The following SEPTIN9 variants were observed in gnomAD, a reference collection of about 807,000 sequenced individuals.
SEPTIN9 encodes the protein septin 9.
SEPTIN9 carries 13 observed loss-of-function variants against 56.6 expected under a neutral mutation model. The ratio of observed to expected loss-of-function variants is 0.23; its 90% CI spans 0.15 to 0.37. SEPTIN9 has a LOEUF of 0.37. Among genes scored for constraint, SEPTIN9 ranks in the 10% least tolerant of loss-of-function variants. The probability of loss-of-function intolerance (pLI) is 1.00; values close to 1 mark genes in which losing one functional copy is unlikely to be tolerated. For synonymous variants in SEPTIN9, 332 were observed against 334.1 expected (o/e 0.99, Z 0.07); for missense variants, 650 against 823.1 (o/e 0.79, Z 2.57).
chr17:77,341,146 C>G (rs1305866101), intron 2 of SEPTIN9, among the ~76,000 whole-genome samples: 1 of 152,196 alleles, frequency 6.6e-6, no homozygotes, highest in Non-Finnish European at 1.5e-5. Flanking sequence ...CACAACTTGG[C>G]TAGCTATTTG....
intron 2 of SEPTIN9, among the ~76,000 whole-genome samples, chr17:77,320,922 C>G (rs1230924279): frequency 2.6e-5 from 4 of 152,244 alleles, no homozygotes; most frequent in Non-Finnish European, 4.4e-5. Context: ...TTCACGCTGG[C>G]AGCCCCCTTG....
chr17:77,397,657 G>C (rs892830309), intron 2 of SEPTIN9, among the ~76,000 whole-genome samples: 1 of 152,078 alleles, frequency 6.6e-6, no homozygotes, highest in Non-Finnish European at 1.5e-5. Flanking sequence ...CTGTGATCCA[G>C]CCTTTTTTTT....
intron 2 of SEPTIN9, among the ~76,000 whole-genome samples, chr17:77,361,854 G>T (rs184661997): frequency 6.6e-6 from 1 of 151,518 alleles, no homozygotes; most frequent in Admixed American, 6.6e-5. Context: ...GGATGGTCTC[G>T]ATCTCTTGAC....
At chr17:77,428,261 G>A (rs1018012577) in intron 3 of SEPTIN9, among the ~76,000 whole-genome samples, 2 of 152,348 alleles carry the variant, frequency 1.3e-5, no homozygotes, top group Admixed American at 6.5e-5. Flanking sequence ...GCTCGGGGAC[G>A]GTGGCCTGGC....
In SEPTIN9 at chr17:77,404,976, C is replaced by A. The variant is rs376398437; in HGVS notation, c.721+2273C>A. The A allele has an allele frequency of 1.7e-4, 177 of 1,049,426 alleles. 1 individual carries two copies. The highest frequency in any genetic ancestry group is 1.5e-3 in the East Asian group (55 of 37,692). The allele number at this position is 1,049,426 out of a possible 1,614,324, so 65.0% of individuals were successfully genotyped here. ...TCCCCTGCCTTCTGTTGGTGCAGGACCTTTGTTTGACGTGCCGGATACACC... is the reference window on the plus strand; with the variant it reads ...TCCCCTGCCTTCTGTTGGTGCAGGAACTTTGTTTGACGTGCCGGATACACC... On this transcript the variant is annotated intron_variant, in intron 3 of 11. Transcript: ENST00000427177.
chr17:77,292,858 G>A (rs4239000), intron 1 of SEPTIN9, among the ~76,000 whole-genome samples: 76,792 of 151,812 alleles, frequency 0.51, 21,742 homozygotes, highest in East Asian at 0.78. Flanking sequence ...CACTGGTCTC[G>A]CTCCACGTGA....
rs187393717 is a variant in SEPTIN9 at position 77,417,468 on chromosome 17, G to T, written c.721+14765G>T. Among the ~76,000 whole-genome samples the T allele has an allele frequency of 2.5e-3, 383 of 152,296 alleles. 13 individuals carry two copies. In the South Asian group the frequency reaches 0.053, roughly 21 times the overall value. On this transcript the variant is annotated intron_variant, in intron 3 of 11. Transcript: ENST00000427177. The stretch of plus-strand genomic sequence containing the variant: ...AATGTTTCCTGCATCCAAGATCCTT[G>T]TGACTCTGGAACAGAGGCAGCAGAG...
Position 77,307,208 on chromosome 17 carries a change from C to T in SEPTIN9, c.76+11C>T, listed in dbSNP as rs777501526. On this transcript the variant is annotated intron_variant, in intron 2 of 11. Transcript: ENST00000427177. Reference sequence around the variant, plus strand: ...ACTCCAGTGGCCCAGGTAGGTGGCTCGCTCCGCTCTGGCCCCACCCAGCTC... The same window carrying T: ...ACTCCAGTGGCCCAGGTAGGTGGCTTGCTCCGCTCTGGCCCCACCCAGCTC... The T allele has an allele frequency of 3.5e-5, 56 of 1,612,644 alleles. No individual in the cohort carries two copies. Among genetic ancestry groups the T allele is most frequent in the Middle Eastern group, 1.6e-4 (1 of 6,084 alleles).
chr17:77,451,073 G>A lies in SEPTIN9; in HGVS notation c.722-31071G>A, dbSNP rs1166397694. 1.9e-5 allele frequency: 3 copies of A among 154,572 alleles called. No homozygotes were observed. Among genetic ancestry groups the A allele is most frequent in the Non-Finnish European group, 2.8e-5 (2 of 70,506 alleles). 9.6% of individuals were successfully genotyped at this position (154,572 alleles called of 1,614,324 possible). ...TTTCAGGACCTGGCTGAGAGGAGGGGGCTCCTCACGGGCACCGCCTCTGGC... is the reference window on the plus strand; with the variant it reads ...TTTCAGGACCTGGCTGAGAGGAGGGAGCTCCTCACGGGCACCGCCTCTGGC... On this transcript the variant is annotated intron_variant, in intron 3 of 11. Coordinates refer to ENST00000427177, the MANE Select transcript of SEPTIN9 (RefSeq NM_001113491.2). The surrounding 1 kb of genome is among the most constrained non-coding windows in gnomAD (Gnocchi z 4.2).
chr17:77,430,433 G>A lies in SEPTIN9; in HGVS notation c.721+27730G>A, dbSNP rs536958781. ...TAGGCCGTGGATAGAGCAGAGCCAT[G>A]TTGACACAAACCCTGGCTGAACCCA... On this transcript the variant is annotated intron_variant, in intron 3 of 11. Transcript: ENST00000427177. 4.6e-5 allele frequency among the ~76,000 whole-genome samples: 7 copies of A among 152,306 alleles called. No homozygotes were observed. In the South Asian group the frequency reaches 6.2e-4, roughly 14 times the overall value.
At chr17:77,457,822 G>A (rs780499418) in intron 3 of SEPTIN9, among the ~76,000 whole-genome samples, 13 of 152,268 alleles carry the variant, frequency 8.5e-5, no homozygotes, top group Non-Finnish European at 1.0e-4. Context: ...TCACTATGAC[G>A]TGTTTAGTTG....
chr17:77,418,014 C>T (rs746716896), intron 3 of SEPTIN9, among the ~76,000 whole-genome samples: 1 of 152,202 alleles, frequency 6.6e-6, no homozygotes, highest in Non-Finnish European at 1.5e-5. Context: ...GTGGGGGGCT[C>T]CTCATTCCTG....
At chr17:77,298,496 G>T (rs1208575062) in intron 1 of SEPTIN9, among the ~76,000 whole-genome samples, 1 of 152,238 alleles carries the variant, frequency 6.6e-6, no homozygotes, top group Non-Finnish European at 1.5e-5. Flanking sequence ...CGCAGCTGCT[G>T]CAGGGAGCTC....
intron 3 of SEPTIN9, among the ~76,000 whole-genome samples, chr17:77,457,466 G>A (rs1734445068): frequency 1.3e-5 from 2 of 152,178 alleles, no homozygotes; most frequent in Non-Finnish European, 1.5e-5. Context: ...CAGAGGTGCC[G>A]GAGCAGACGT....
Position 77,436,260 on chromosome 17 carries a change from G to A in SEPTIN9, c.721+33557G>A, listed in dbSNP as rs1020556208. The stretch of plus-strand genomic sequence containing the variant: ...GAACAGAGAGGCCTTATCTTCAGAG[G>A]AAGGGGTGGGCGGGGACACAGCGCT... On this transcript the variant is annotated intron_variant, in intron 3 of 11. Coordinates refer to ENST00000427177, the MANE Select transcript of SEPTIN9 (RefSeq NM_001113491.2). This position sits in a 1 kb window ranked among gnomAD's most constrained non-coding sequence, Gnocchi z 4.4. Among the ~76,000 whole-genome samples, 22 of 152,312 alleles carry A rather than the reference G, an allele frequency of 1.4e-4. No homozygotes were observed. The highest frequency in any genetic ancestry group is 2.8e-4 in the Non-Finnish European group (19 of 68,026).
chr17:77,386,714 G>A (rs1014812330), intron 2 of SEPTIN9, among the ~76,000 whole-genome samples: 1 of 152,236 alleles, frequency 6.6e-6, no homozygotes, highest in African/African-American at 2.4e-5. Context: ...CTGCCCCAGG[G>A]GGCTGGGGGA....
At chr17:77,345,922 G>GT (rs1390203318) in intron 2 of SEPTIN9, among the ~76,000 whole-genome samples, 14 of 131,224 alleles carry the variant, frequency 1.1e-4, no homozygotes, top group African/African-American at 3.6e-4. Context: ...CAGATTCTTT[G>GT]TTTTTTTTGT....
intron 1 of SEPTIN9, among the ~76,000 whole-genome samples, chr17:77,300,437 G>C (rs779967879): frequency 9.2e-5 from 14 of 152,166 alleles, no homozygotes; most frequent in Non-Finnish European, 1.6e-4. Flanking sequence ...GGAGGGCCTG[G>C]TGCCCAGTGT....
intron 2 of SEPTIN9, among the ~76,000 whole-genome samples, chr17:77,311,485 A>T (rs1449739113): frequency 6.6e-6 from 1 of 152,152 alleles, no homozygotes; most frequent in Non-Finnish European, 1.5e-5. Flanking sequence ...GTAGGTGTGA[A>T]AAAAGGGCCC....
Sources: gnomAD v4.1 joint callset for allele counts (sites outside exome capture counted in the v4.1 genomes callset) on GRCh38, gnomAD v4.1.1 for gene constraint, Gnocchi (gnomAD v3.1) non-coding constraint, MANE v1.5 for transcripts, NCBI Gene and HGNC (gene_info 2026-07-23, HGNC 2026-07-21) for gene names.